Variants in COL18A1 observed in about 807,000 individuals in gnomAD.
COL18A1 encodes collagen alpha-1(XVIII) chain.
Under a neutral mutation model 168.0 loss-of-function variants are expected in COL18A1, and 133 were observed. That is an observed-to-expected ratio of 0.79 (90% CI 0.69 to 0.91). The LOEUF is 0.91. COL18A1 is among the 40% of genes least tolerant of loss of function. The probability of loss-of-function intolerance (pLI) is 0.00; values close to 1 mark genes in which losing one functional copy is unlikely to be tolerated. For synonymous variants in COL18A1, 949 were observed against 809.0 expected, an observed-to-expected ratio of 1.17 and a Z score of -2.94; for missense variants, 2,126 against 1,925.4, an observed-to-expected ratio of 1.10 and a Z score of -1.95.
intron 2 of COL18A1, among the ~76,000 whole-genome samples, chr21:45,415,936 G>A (rs946074531): frequency 1.8e-4 from 27 of 152,142 alleles, no homozygotes; most frequent in African/African-American, 6.3e-4. Flanking sequence ...GTGGGCCCCC[G>A]CTTATCCAGA....
chr21:45,489,585 C>T, intron 19 of COL18A1, 64 bp downstream of exon 19: 1 of 1,152,832 alleles, frequency 8.7e-7, no homozygotes, highest in Non-Finnish European at 1.2e-6. Flanking sequence ...CAGCCGGACA[C>T]CTGCGGAGAT....
At position 45,479,904 on chromosome 21, in the gene COL18A1, C is replaced by G; in HGVS notation, c.1251C>G (p.Gly417=). The part of the protein sequence containing the change: ...PGDPGEDGKP[G]DTGPQGFPGT... ...GGCCCCCGGATGTTGTGTTCCAGGG[C>G]GACACCGGGCCACAAGGCTTCCCCG... is the stretch of plus-strand genomic sequence containing the variant. Residue 417 remains glycine (G), a splice_region_variant and synonymous_variant, in exon 10 of 42, where the codon GGC becomes GGG. Transcript: ENST00000651438. 11 of 1,613,458 alleles carry G rather than the reference C, an allele frequency of 6.8e-6. No homozygotes were observed. Among genetic ancestry groups the G allele is most frequent in the Non-Finnish European group, 9.3e-6 (11 of 1,179,936 alleles).
At position 45,511,174 on chromosome 21, in the gene COL18A1, G is replaced by A. The variant is rs374321733; in HGVS notation, c.3757G>A (p.Gly1253Arg). 3.7e-5 allele frequency: 59 copies of A among 1,600,942 alleles called. No individual in the cohort carries two copies. In the African/African-American group the frequency reaches 4.0e-4, roughly 11 times the overall value. Residue 1253 changes from glycine to arginine, a missense_variant, in exon 41 of 42, where the codon GGG becomes AGG. By Grantham distance (125) the Gly-to-Arg change is moderately radical (BLOSUM62 -2). Transcript: ENST00000651438. Reference sequence around the variant, plus strand: ...AGGCTCTGAGGGTCCGCTGAAGCCCGGGGCACGCATCTTCTCCTTTGACGG... The same window carrying A: ...AGGCTCTGAGGGTCCGCTGAAGCCCAGGGCACGCATCTTCTCCTTTGACGG... ...FSGSEGPLKP[G>R]ARIFSFDGKD...
intron 2 of COL18A1, among the ~76,000 whole-genome samples, chr21:45,418,644 G>A (rs1020408296): frequency 7.8e-5 from 5 of 64,144 alleles, no homozygotes; most frequent in African/African-American, 2.1e-4. Context: ...TCCACAGCCC[G>A]CCCTCCTTGG....
At chr21:45,446,652 T>C (rs1301582013) in intron 2 of COL18A1, among the ~76,000 whole-genome samples, 1 of 152,238 alleles carries the variant, frequency 6.6e-6, no homozygotes, top group Non-Finnish European at 1.5e-5. Flanking sequence ...ATTCATTTTA[T>C]GAGACCAATA....
intron 38 of COL18A1, among the ~76,000 whole-genome samples, chr21:45,507,908 G>A (rs1042379967): frequency 2.6e-5 from 4 of 152,212 alleles, no homozygotes; most frequent in African/African-American, 7.2e-5. Flanking sequence ...CACATCTTGT[G>A]TCTTTGCCTT....
At chr21:45,445,145 C>G (rs1466836053) in intron 2 of COL18A1, among the ~76,000 whole-genome samples, 1 of 152,224 alleles carries the variant, frequency 6.6e-6, no homozygotes, top group Non-Finnish European at 1.5e-5. Flanking sequence ...GTCCTGGCCA[C>G]CGGTCATCTC....
intron 2 of COL18A1, among the ~76,000 whole-genome samples, chr21:45,466,840 C>A (rs368221011): frequency 1.3e-5 from 2 of 152,342 alleles, no homozygotes; most frequent in South Asian, 4.1e-4. Context: ...CCAAGGTGAA[C>A]GCGGGGGCAG....
chr21:45,430,447 C>T (rs1274004910), intron 2 of COL18A1, among the ~76,000 whole-genome samples: 1 of 152,118 alleles, frequency 6.6e-6, no homozygotes, highest in Admixed American at 6.5e-5. Context: ...GGGTCCTCTG[C>T]TGCCTGCTGC....
At chr21:45,477,612 G>T (rs535846478) in intron 7 of COL18A1, 125 bp downstream of exon 7, 2 of 1,271,672 alleles carry the variant, frequency 1.6e-6, no homozygotes, top group Non-Finnish European at 2.2e-6. Flanking sequence ...CCCAGCACTC[G>T]GTGCCAGCAT....
chr21:45,456,126 G>A, intron 2 of COL18A1: 2 of 1,585,266 alleles, frequency 1.3e-6, no homozygotes, highest in South Asian at 2.3e-5. Flanking sequence ...CCCTCCCTGG[G>A]CAGGCCCTGG....
chr21:45,415,206 A>G (rs2033406253), intron 2 of COL18A1, among the ~76,000 whole-genome samples: 1 of 152,072 alleles, frequency 6.6e-6, no homozygotes, highest in Non-Finnish European at 1.5e-5. Flanking sequence ...GCGAAGGGCC[A>G]CTCTGTGGGG....
chr21:45,456,800 G>T, intron 2 of COL18A1: 2 of 1,539,308 alleles, frequency 1.3e-6, no homozygotes, highest in Non-Finnish European at 1.8e-6. Flanking sequence ...GAGCCGCCTG[G>T]GCGGGGGCCG....
At chr21:45,469,149 A>G (rs1366099749) in intron 3 of COL18A1, among the ~76,000 whole-genome samples, 2 of 152,130 alleles carry the variant, frequency 1.3e-5, no homozygotes, top group Admixed American at 1.3e-4. Context: ...CCCAGCCGTG[A>G]CCCCGTGACC....
At chr21:45,447,408 A>G (rs569455323) in intron 2 of COL18A1, among the ~76,000 whole-genome samples, 2 of 152,310 alleles carry the variant, frequency 1.3e-5, no homozygotes, top group African/African-American at 4.8e-5. Flanking sequence ...TTATTTTGCA[A>G]TGAACAATCC....
At chr21:45,505,543 G>A (rs968436965) in intron 36 of COL18A1, 112 bp downstream of exon 36, 12 of 716,612 alleles carry the variant, frequency 1.7e-5, no homozygotes, top group East Asian at 2.7e-5. Flanking sequence ...ATATACAGGA[G>A]GCCAAGATGC....
chr21:45,430,592 G>A (rs898047135), intron 2 of COL18A1, among the ~76,000 whole-genome samples: 2 of 152,158 alleles, frequency 1.3e-5, no homozygotes, highest in Non-Finnish European at 2.9e-5. Flanking sequence ...CCCGGGTCCG[G>A]TTACAAAGGC....
Position 45,468,464 on chromosome 21 carries a change from C to G in COL18A1, c.329C>G (p.Ala110Gly), listed in dbSNP as rs2035296836. 6.2e-7 allele frequency: 1 copy of G among 1,613,984 alleles called. No homozygotes were observed. Among genetic ancestry groups the G allele is most frequent in the African/African-American group, 1.3e-5 (1 of 74,958 alleles). Residue 110 changes from alanine to glycine, a missense_variant, in exon 3 of 42, where the codon GCC becomes GGC. Physicochemically the swap from Ala to Gly is moderately conservative, Grantham distance 60. Coordinates refer to ENST00000651438, the MANE Select transcript of COL18A1 (RefSeq NM_001379500.1). ...ACAGAGGGCCCAGGGGTGCTGTTCG[C>G]CATCACGGACTCGGCGCAGGCCATG... ...PATEGPGVLF[A>G]ITDSAQAMVL... is the part of the protein sequence containing the mutation.
Position 45,452,768 on chromosome 21 carries a change from GTA to G in COL18A1, c.107-15472_107-15471del, listed in dbSNP as rs1425391205. Among the ~76,000 whole-genome samples the G allele has an allele frequency of 3.3e-5, 5 of 151,180 alleles. No individual in the cohort carries two copies. In the East Asian group the frequency reaches 9.9e-4, roughly 30 times the overall value. On this transcript the variant is annotated intron_variant, in intron 2 of 41. Coordinates refer to ENST00000651438, the MANE Select transcript of COL18A1 (RefSeq NM_001379500.1). ...TACGTGTGATTGTGTATGCATGTGA[GTA>G]TTCACTGACGTGTGAGCATGCATGT...
Sources: allele counts gnomAD v4.1 joint callset (sites outside exome capture counted in the v4.1 genomes callset), GRCh38; gene constraint gnomAD v4.1.1; transcripts MANE v1.5; gene names NCBI Gene and HGNC (gene_info 2026-07-23, HGNC 2026-07-21).